Variants in LOC112694756 observed in about 807,000 individuals in gnomAD.
chr16:30,061,470 C>T, the LOC112694756 span, among the ~76,000 whole-genome samples: 1 of 151,022 alleles, frequency 6.6e-6, no homozygotes, highest in Non-Finnish European at 1.5e-5. Flanking sequence ...AGGCAGAGGG[C>T]TCAAGAGGGA....
the LOC112694756 span, chr16:30,069,254 G>A: frequency 3.8e-6 from 6 of 1,583,454 alleles, no homozygotes; most frequent in African/African-American, 8.1e-5. Flanking sequence ...AGAGATGTAG[G>A]TGGGACTCTG....
At chr16:30,068,799 C>G in the LOC112694756 span, 1 of 1,614,094 alleles carries the variant, frequency 6.2e-7, no homozygotes, top group Non-Finnish European at 8.5e-7. Context: ...CGTGCTCTGA[C>G]CCCTTCCTCT....
the LOC112694756 span, among the ~76,000 whole-genome samples, chr16:30,054,332 T>C: frequency 6.6e-6 from 1 of 151,642 alleles, no homozygotes. Flanking sequence ...ATAATAATAA[T>C]AAAATAAATA....
the LOC112694756 span, chr16:30,069,478 C>T: frequency 8.4e-5 from 135 of 1,613,988 alleles, no homozygotes; most frequent in Non-Finnish European, 1.0e-4. Flanking sequence ...CACTACCCAC[C>T]GTGCGCCTGC....
the LOC112694756 span, chr16:30,058,896 G>A: frequency 1.0e-5 from 4 of 397,946 alleles, no homozygotes; most frequent in Non-Finnish European, 1.8e-5. Context: ...CTAGGGCCTT[G>A]GGGACTCAGC....
the LOC112694756 span, chr16:30,064,717 C>T: frequency 5.0e-4 from 183 of 368,790 alleles, 2 homozygotes; most frequent in Non-Finnish European, 7.6e-4. Context: ...TGCCTTATAA[C>T]CAGCCCGGGA....
At chr16:30,060,870 T>A in the LOC112694756 span, among the ~76,000 whole-genome samples, 1 of 152,208 alleles carries the variant, frequency 6.6e-6, no homozygotes, top group Non-Finnish European at 1.5e-5. Flanking sequence ...CACAGCCCAA[T>A]TCAGACCCCT....
the LOC112694756 span, chr16:30,069,221 AC>A: frequency 1.3e-6 from 2 of 1,483,496 alleles, no homozygotes; most frequent in South Asian, 2.3e-5. Flanking sequence ...TCATCAAGAT[AC>A]GGTCTTGACC....
the LOC112694756 span, chr16:30,053,174 G>A: frequency 2.0e-5 from 3 of 152,530 alleles, no homozygotes; most frequent in Non-Finnish European, 4.4e-5. Flanking sequence ...ATTGGACCTA[G>A]CTTGGCGCGG....
the LOC112694756 span, among the ~76,000 whole-genome samples, chr16:30,061,027 G>A: frequency 6.6e-6 from 1 of 152,234 alleles, no homozygotes; most frequent in Non-Finnish European, 1.5e-5. Context: ...TGATTGAACT[G>A]TACAACTGTG....
the LOC112694756 span, among the ~76,000 whole-genome samples, chr16:30,059,325 G>A: frequency 4.6e-5 from 7 of 151,622 alleles, no homozygotes; most frequent in African/African-American, 7.3e-5. Context: ...GTAAAACCCC[G>A]TCTCTACTAA....
At chr16:30,067,471 A>T in the LOC112694756 span, 5 of 1,613,360 alleles carry the variant, frequency 3.1e-6, no homozygotes, top group South Asian at 2.2e-5. Context: ...AAGCGGCTGC[A>T]GTCCATTGGC....
the LOC112694756 span, among the ~76,000 whole-genome samples, chr16:30,056,911 CTTTTT>C: frequency 7.3e-6 from 1 of 137,588 alleles, no homozygotes; most frequent in Non-Finnish European, 1.6e-5. Context: ...TCTACTTGCC[CTTTTT>C]TTTTTTTTTT....
the LOC112694756 span, among the ~76,000 whole-genome samples, chr16:30,053,757 T>G: frequency 6.6e-6 from 1 of 152,018 alleles, no homozygotes; most frequent in South Asian, 2.1e-4. Context: ...GGAAACAGTC[T>G]GGGGGTGAGA....
chr16:30,053,551 C>G, the LOC112694756 span: 2 of 152,940 alleles, frequency 1.3e-5, no homozygotes, highest in Non-Finnish European at 2.9e-5. Flanking sequence ...CCTCTCCTAA[C>G]CCCGAATGGG....
At chr16:30,069,728 C>T in the LOC112694756 span, 12,385 of 1,611,840 alleles carry the variant, frequency 7.7e-3, 66 homozygotes, top group Non-Finnish European at 9.2e-3. Flanking sequence ...CACCCACAAC[C>T]CTATGCCCAT....
the LOC112694756 span, chr16:30,069,803 C>T: frequency 3.1e-6 from 5 of 1,613,822 alleles, no homozygotes; most frequent in Middle Eastern, 3.3e-4. Context: ...TGACCACAGC[C>T]CCTCTCGCCT....
the LOC112694756 span, chr16:30,068,095 C>G: frequency 6.4e-4 from 141 of 219,444 alleles, 1 homozygote; most frequent in Middle Eastern, 2.0e-3. Flanking sequence ...GATGGAGTCT[C>G]GCTGTCTCCC....
chr16:30,070,388 G>A, the LOC112694756 span: 2 of 644,590 alleles, frequency 3.1e-6, no homozygotes, highest in East Asian at 2.8e-5. Context: ...CCGGCACACT[G>A]CCAAATAAAC....
Sources: allele counts gnomAD v4.1 joint callset (sites outside exome capture counted in the v4.1 genomes callset), GRCh38; gene constraint gnomAD v4.1.1; transcripts MANE v1.5.